ZNF680: variants seen among roughly 807,000 people sequenced by gnomAD.
ZNF680 encodes the protein zinc finger protein 680, also known as hypothetical protein FLJ90430.
Under a neutral mutation model 12.1 loss-of-function variants are expected in ZNF680, and 6 were observed. The ratio of observed to expected loss-of-function variants is 0.49; its 90% CI spans 0.27 to 0.98. The LOEUF is 0.98. Ranked by LOEUF, ZNF680 falls within the 50% of genes least tolerant of loss-of-function variation. ZNF680 has a pLI of 0.12. For missense variants in ZNF680, 561 were observed against 616.3 expected (o/e 0.91, Z 0.95); for synonymous variants, 170 against 199.3 (o/e 0.85, Z 1.24).
At chr7:64,500,635 A>G in the ZNF680 span, among the ~76,000 whole-genome samples, 1 of 152,182 alleles carries the variant, frequency 6.6e-6, no homozygotes, top group Non-Finnish European at 1.5e-5. Context: ...CTGGGAGTGG[A>G]GGAGATGTTG....
chr7:64,499,090 T>C, the ZNF680 span, among the ~76,000 whole-genome samples: 1 of 152,266 alleles, frequency 6.6e-6, no homozygotes, highest in Non-Finnish European at 1.5e-5. Context: ...ATAATAACAT[T>C]TTTATTTTGG....
intron 1 of ZNF680, among the ~76,000 whole-genome samples, chr7:64,557,883 G>A (rs1156489491): frequency 6.6e-6 from 1 of 152,080 alleles, no homozygotes; most frequent in Non-Finnish European, 1.5e-5. Context: ...GGACAGAAAG[G>A]ACTAGAAAAA....
chr7:64,526,577 G>A (rs1165085999), intron 3 of ZNF680: 1 of 399,416 alleles, frequency 2.5e-6, no homozygotes, highest in East Asian at 3.7e-5. Flanking sequence ...AAAAAATGAT[G>A]CTGGACAGCA....
At chr7:64,517,002 C>T (rs1441434099), downstream of ZNF680, among the ~76,000 whole-genome samples, 1 of 151,986 alleles carries the variant, frequency 6.6e-6, no homozygotes, top group Non-Finnish European at 1.5e-5. Context: ...TAAATGTCTA[C>T]ATCAAAAAGT....
At chr7:64,557,509 C>T (rs184657639) in intron 1 of ZNF680, among the ~76,000 whole-genome samples, 4 of 151,866 alleles carry the variant, frequency 2.6e-5, no homozygotes, top group Admixed American at 1.3e-4. Context: ...GAGCCAAGAT[C>T]GTGCCACTGC....
chr7:64,543,836 C>T (rs1326853857), intron 2 of ZNF680, 34 bp from the exon 3 acceptor site: 1 of 1,577,548 alleles, frequency 6.3e-7, no homozygotes, highest in South Asian at 1.1e-5. Flanking sequence ...ATGAATCTTG[C>T]TCATATTCTC....
At chr7:64,522,741 CAAG>C (rs1339629741) in intron 3 of ZNF680, among the ~76,000 whole-genome samples, 4 of 151,196 alleles carry the variant, frequency 2.6e-5, no homozygotes, top group South Asian at 2.1e-4. Context: ...AAGTCACAGA[CAAG>C]AAGAGAATCT....
intron 1 of ZNF680, among the ~76,000 whole-genome samples, chr7:64,546,215 A>G (rs1246110816): frequency 6.6e-6 from 1 of 152,176 alleles, no homozygotes; most frequent in Non-Finnish European, 1.5e-5. Context: ...TAAAAAAAAG[A>G]ACCAATTCTT....
the ZNF680 span, among the ~76,000 whole-genome samples, chr7:64,503,611 C>T: frequency 6.6e-6 from 1 of 152,140 alleles, no homozygotes; most frequent in Non-Finnish European, 1.5e-5. Context: ...GAACTCCTGA[C>T]CTCAGGCGAT....
At chr7:64,501,707 C>T in the ZNF680 span, 2 of 1,053,372 alleles carry the variant, frequency 1.9e-6, no homozygotes, top group Non-Finnish European at 2.9e-6. Flanking sequence ...AGAGACAGCG[C>T]CAATGGCAAA....
At chr7:64,500,585 A>T in the ZNF680 span, among the ~76,000 whole-genome samples, 5 of 152,228 alleles carry the variant, frequency 3.3e-5, no homozygotes, top group Non-Finnish European at 7.3e-5. Context: ...AAAAGGTTTA[A>T]ACTCATAGAA....
At chr7:64,499,278 CT>C in the ZNF680 span, among the ~76,000 whole-genome samples, 5 of 152,198 alleles carry the variant, frequency 3.3e-5, no homozygotes, top group African/African-American at 9.6e-5. Context: ...TAAAACAGCC[CT>C]GGGGGAAATA....
At chr7:64,553,837 A>T (rs1340266716) in intron 1 of ZNF680, among the ~76,000 whole-genome samples, 6 of 152,252 alleles carry the variant, frequency 3.9e-5, no homozygotes, top group African/African-American at 1.4e-4. Flanking sequence ...TCTGCCCGCC[A>T]CGGCCTCCCG....
chr7:64,502,134 G>A, the ZNF680 span, among the ~76,000 whole-genome samples: 10 of 150,740 alleles, frequency 6.6e-5, no homozygotes, highest in African/African-American at 1.5e-4. Context: ...CTCCGGAGTA[G>A]CTAGGATTGC....
chr7:64,513,741 G>A, the ZNF680 span, among the ~76,000 whole-genome samples: 3 of 152,050 alleles, frequency 2.0e-5, no homozygotes, highest in Non-Finnish European at 4.4e-5. Flanking sequence ...TGCCTCCTGG[G>A]TTCAAGCTAT....
chr7:64,526,442 A>G, intron 3 of ZNF680: 1 of 1,480,776 alleles, frequency 6.8e-7, no homozygotes, highest in South Asian at 1.3e-5. Context: ...GTAATCCCAC[A>G]TCTTTAGGGA....
At chr7:64,529,787 T>C (rs1199425729) in intron 3 of ZNF680, among the ~76,000 whole-genome samples, 1 of 151,942 alleles carries the variant, frequency 6.6e-6, no homozygotes, top group Non-Finnish European at 1.5e-5. Flanking sequence ...AAATACAAGA[T>C]GCACAAAGAA....
At chr7:64,556,684 A>C (rs1202128932) in intron 1 of ZNF680, among the ~76,000 whole-genome samples, 1 of 152,236 alleles carries the variant, frequency 6.6e-6, no homozygotes, top group African/African-American at 2.4e-5. Context: ...AAAAACCCTG[A>C]AAGAAAATCT....
At chr7:64,523,596 T>C (rs1268753287) in intron 3 of ZNF680, among the ~76,000 whole-genome samples, 1 of 152,156 alleles carries the variant, frequency 6.6e-6, no homozygotes. Flanking sequence ...TCAAGAGATA[T>C]ACTTTCATTA....
Sources: allele counts gnomAD v4.1 joint callset (sites outside exome capture counted in the v4.1 genomes callset), GRCh38; gene constraint gnomAD v4.1.1; transcripts MANE v1.5; gene names NCBI Gene and HGNC (gene_info 2026-07-23, HGNC 2026-07-21).